Variants in EPHX3 observed in about 807,000 individuals in gnomAD.
The protein encoded by EPHX3 is epoxide hydrolase 3.
Under a neutral mutation model 40.2 loss-of-function variants are expected in EPHX3, and 39 were observed. The ratio of observed to expected loss-of-function variants is 0.97; its 90% CI spans 0.75 to 1.27. EPHX3 has a LOEUF of 1.27. Ranked by LOEUF, EPHX3 falls within the 50% of genes most tolerant of loss-of-function variation. The pLI is 0.00. For synonymous variants in EPHX3, 213 were observed against 209.7 expected (o/e 1.02, Z -0.14); for missense variants, 442 against 474.0 (o/e 0.93, Z 0.63).
At chr19:15,231,653 C>T in intron 2 of EPHX3, 123 bp downstream of exon 2, 1 of 1,105,224 alleles carries the variant, frequency 9.0e-7, no homozygotes, top group South Asian at 1.3e-5. Flanking sequence ...TGGCTCAGTA[C>T]CCCTATCCCC....
At chr19:15,231,754 A>G (rs2047155866) in intron 2 of EPHX3, 22 bp downstream of exon 2, 2 of 1,612,696 alleles carry the variant, frequency 1.2e-6, no homozygotes, top group South Asian at 2.2e-5. Context: ...CGTGGGCCTC[A>G]GGCCCCTGGC....
rs1167509872 is a variant in EPHX3 at position 15,230,985 on chromosome 19, C to T, written c.593G>A (p.Gly198Asp). 6.2e-7 allele frequency: 1 copy of T among 1,613,900 alleles called. No individual in the cohort carries two copies. The highest frequency in any genetic ancestry group is 1.3e-5 in the African/African-American group (1 of 74,900). ...ACCTTGGTACACCGACATGGGGGCA[C>T]CACTGACCACAACCATCCGCTCGAC... is the stretch of plus-strand genomic sequence containing the variant. ...SLVERMVVVS[G>D]APMSVYQDYS... is the part of the protein sequence containing the mutation. Residue 198 changes from glycine (G) to aspartate (D), a missense_variant, in exon 4 of 7, where the codon GGT (glycine) becomes GAT (aspartate). Physicochemically the swap from Gly to Asp is moderately conservative, Grantham distance 94 (BLOSUM62 -1). Transcript: ENST00000221730.
At chr19:15,229,975 TG>T (rs1254189214) in intron 4 of EPHX3, among the ~76,000 whole-genome samples, 1 of 146,614 alleles carries the variant, frequency 6.8e-6, no homozygotes, top group Non-Finnish European at 1.5e-5. Flanking sequence ...ATGACCACAG[TG>T]CTGCATATTA....
At position 15,228,085 on chromosome 19, in the gene EPHX3, T is replaced by C. The variant is rs2047126724; in HGVS notation, c.632A>G (p.His211Arg). 5 of 857,966 alleles carry C rather than the reference T, an allele frequency of 5.8e-6. No homozygotes were observed. The highest frequency in any genetic ancestry group is 5.3e-6 in the Non-Finnish European group (3 of 561,318). 53.1% of individuals were successfully genotyped at this position (857,966 alleles called of 1,614,324 possible). A position where few individuals can be genotyped will look rare whatever the true frequency, so the allele number is the denominator to read the frequency against. Residue 211 changes from histidine (H) to arginine (R), a missense_variant, in exon 5 of 7, where the codon CAC (histidine) becomes CGC (arginine). Transcript: ENST00000221730. The stretch of plus-strand genomic sequence containing the variant: ...GTGGGAACGGAAGAACTGGCTGATG[T>C]GGTGCAGGGAATAGTCTGGGGTGGG... ...MSVYQDYSLH[H>R]ISQFFRSHYM...
At chr19:15,233,168 G>C (rs971939351), upstream of EPHX3, 1 of 151,712 alleles carries the variant, frequency 6.6e-6, no homozygotes, top group Non-Finnish European at 1.5e-5. Context: ...GGGTGGGGTG[G>C]GCAATGGGCA....
chr19:15,229,622 T>C (rs919753807), intron 4 of EPHX3, among the ~76,000 whole-genome samples: 26 of 138,330 alleles, frequency 1.9e-4, no homozygotes, highest in Admixed American at 3.0e-4. Flanking sequence ...GGGCCAGGCG[T>C]GGTGGCTCAC....
chr19:15,230,203 C>G (rs770539074), intron 4 of EPHX3, among the ~76,000 whole-genome samples: 1 of 152,116 alleles, frequency 6.6e-6, no homozygotes, highest in Non-Finnish European at 1.5e-5. Context: ...GAGTCTCACT[C>G]TGTCATCCAG....
intron 4 of EPHX3, 40 bp downstream of exon 4, chr19:15,230,922 C>A: frequency 6.2e-7 from 1 of 1,607,026 alleles, no homozygotes; most frequent in Non-Finnish European, 8.5e-7. Context: ...TGCCCCCTTG[C>A]ACATAAGTAC....
In EPHX3 at chr19:15,228,015, C is replaced by CA; in HGVS notation, c.701dup (p.Ser235ValfsTer4). Reference sequence around the variant, plus strand: ...TCTGTACCTGAAAGTCAGACATAGACAGCAGCTTCTCGGGCAGCCAGGGCA... The same window carrying CA: ...TCTGTACCTGAAAGTCAGACATAGACAAGCAGCTTCTCGGGCAGCCAGGGCA... On this transcript the variant is annotated frameshift_variant, in exon 5 of 7. Transcript: ENST00000221730. LOFTEE classifies it high-confidence loss of function. 1 of 1,613,664 alleles carries CA rather than the reference C, an allele frequency of 6.2e-7. No individual in the cohort carries two copies. Among genetic ancestry groups the CA allele is most frequent in the Non-Finnish European group, 8.5e-7 (1 of 1,179,972 alleles).
At position 15,227,606 on chromosome 19, in the gene EPHX3, T is replaced by TC. The variant is rs759392371; in HGVS notation, c.913dup (p.Glu305GlyfsTer98). On this transcript the variant is annotated frameshift_variant, in exon 7 of 7. Transcript: ENST00000221730. LOFTEE classifies it high-confidence loss of function. ...CCCCAGCTCCAAGTAAGTGTCCTTCTCCCCCCACAGCAGCAATGTGGGTGT... is the reference window on the plus strand; with the variant it reads ...CCCCAGCTCCAAGTAAGTGTCCTTCTCCCCCCCACAGCAGCAATGTGGGTGT... The TC allele has an allele frequency of 3.7e-6, 6 of 1,613,844 alleles. No homozygotes were observed. The highest frequency in any genetic ancestry group is 1.3e-5 in the African/African-American group (1 of 74,958).
At chr19:15,227,706 A>G (rs760118674) in intron 6 of EPHX3, 44 bp from the exon 7 acceptor site, 1 of 1,610,496 alleles carries the variant, frequency 6.2e-7, no homozygotes, top group Non-Finnish European at 8.5e-7. Context: ...AGGCAGAAGG[A>G]TGGTTGCCTC....
chr19:15,229,782 G>C (rs1031213897), intron 4 of EPHX3, among the ~76,000 whole-genome samples: 2 of 149,750 alleles, frequency 1.3e-5, no homozygotes, highest in African/African-American at 2.5e-5. Flanking sequence ...AGCTACTTGG[G>C]AGGCTGAGGC....
Position 15,231,844 on chromosome 19 carries a change from C to G in EPHX3, c.261G>C (p.Leu87=). 6.2e-7 allele frequency: 1 copy of G among 1,613,958 alleles called. No individual in the cohort carries two copies. Residue 87 remains leucine, a synonymous_variant, in exon 2 of 7, where the codon CTG becomes CTC. Coordinates refer to ENST00000221730, the MANE Select transcript of EPHX3 (RefSeq NM_024794.3). Reference sequence around the variant, plus strand: ...TACCTCGTCCAGCCGAGACATAGTGCAGACGCAGGCCCGAGCTCTAGGGGG... The same window carrying G: ...TACCTCGTCCAGCCGAGACATAGTGGAGACGCAGGCCCGAGCTCTAGGGGG... ...FLNLKSSGLR[L]HYVSAGRGNG...
rs770319856 is a variant in EPHX3, at chr19:15,227,831, T to A, written c.797A>T (p.Tyr266Phe). Residue 266 changes from tyrosine (Y) to phenylalanine (F), a missense_variant, in exon 6 of 7, where the codon TAT becomes TTT. Transcript: ENST00000221730. The part of the protein sequence containing the change: ...LTPSELEAFL[Y>F]NFSQPGGLTG... ...GAGGCCACCAGGCTGTGAGAAGTTATAAAGGAAGGCCTCGAGCTCGCTGGG... is the reference window on the plus strand; with the variant it reads ...GAGGCCACCAGGCTGTGAGAAGTTAAAAAGGAAGGCCTCGAGCTCGCTGGG... 6.2e-7 allele frequency: 1 copy of A among 1,614,028 alleles called. No homozygotes were observed. The highest frequency in any genetic ancestry group is 1.1e-5 in the South Asian group (1 of 91,088).
chr19:15,232,724 A>C (rs1458335881), upstream of EPHX3, among the ~76,000 whole-genome samples: 1 of 152,026 alleles, frequency 6.6e-6, no homozygotes, highest in Non-Finnish European at 1.5e-5. Context: ...TAAAAATACA[A>C]AAATTAGCTG....
At chr19:15,230,882 C>G in intron 4 of EPHX3, 80 bp downstream of exon 4, 1 of 1,567,136 alleles carries the variant, frequency 6.4e-7, no homozygotes. Flanking sequence ...GACAGGTATA[C>G]AGAGAATTGA....
At chr19:15,231,530 G>T in intron 2 of EPHX3, 134 bp from the exon 3 acceptor site, 1 of 1,212,052 alleles carries the variant, frequency 8.3e-7, no homozygotes, top group Non-Finnish European at 1.1e-6. Context: ...GGGAATCCCA[G>T]GCAGAGGCAG....
At chr19:15,234,358 T>C (rs533569357), upstream of EPHX3, among the ~76,000 whole-genome samples, 17 of 151,672 alleles carry the variant, frequency 1.1e-4, no homozygotes, top group Admixed American at 1.0e-3. Flanking sequence ...TTTAGCTTTT[T>C]CTTTTTTTTT....
At position 15,232,435 on chromosome 19, in the gene EPHX3, C is replaced by G; in HGVS notation, c.-224G>C. ...GGTAAACACCTGGGCGCGACAGGGA[C>G]AGGAAACAAGGGTAGGGTGCGGAGG... On this transcript the variant is annotated 5_prime_UTR_variant, in exon 1 of 7. Transcript: ENST00000221730. The G allele has an allele frequency of 7.4e-7, 1 of 1,347,824 alleles. No homozygotes were observed. Among genetic ancestry groups the G allele is most frequent in the East Asian group, 3.1e-5 (1 of 32,056 alleles). The allele number at this position is 1,347,824 out of a possible 1,614,324, so 83.5% of individuals were successfully genotyped here.
Sources: allele counts gnomAD v4.1 joint callset (sites outside exome capture counted in the v4.1 genomes callset), GRCh38; gene constraint gnomAD v4.1.1; transcripts MANE v1.5; gene names NCBI Gene and HGNC (gene_info 2026-07-23, HGNC 2026-07-21).